The following DTNB variants were observed in gnomAD, a reference collection of about 807,000 sequenced individuals.
DTNB encodes the protein DTN-B.
A neutral mutation model predicts 90.7 loss-of-function variants in DTNB; 63 were observed. The observed-to-expected ratio is 0.69, with a 90% confidence interval of 0.57 to 0.86. The LOEUF (loss-of-function observed/expected upper bound fraction) is 0.86, where lower values mean the gene tolerates loss of function less well. Among genes scored for constraint, DTNB ranks in the 40% least tolerant of loss-of-function variants. The pLI is 0.00. For missense variants in DTNB, 744 were observed against 807.1 expected, an observed-to-expected ratio of 0.92 and a Z score of 0.95; for synonymous variants, 277 against 286.7, an observed-to-expected ratio of 0.97 and a Z score of 0.34.
At chr2:25,632,658 A>T (rs906088669) in intron 3 of DTNB, among the ~76,000 whole-genome samples, 5 of 152,342 alleles carry the variant, frequency 3.3e-5, no homozygotes, top group South Asian at 2.1e-4. Context: ...CATGGCCTCC[A>T]GACTCTGCAG....
chr2:25,458,470 G>T (rs1472588101), intron 10 of DTNB, among the ~76,000 whole-genome samples: 1 of 151,534 alleles, frequency 6.6e-6, no homozygotes, highest in East Asian at 1.9e-4. Context: ...TTCCTGGTAC[G>T]TAACATGTCT....
chr2:25,621,908 T>C (rs2072795138), intron 4 of DTNB, among the ~76,000 whole-genome samples: 2 of 152,168 alleles, frequency 1.3e-5, no homozygotes, highest in East Asian at 1.9e-4. Flanking sequence ...CTGAGTGTTA[T>C]TGTAGATGGT....
In DTNB at chr2:25,516,117, T is replaced by C. The variant is rs112969001; in HGVS notation, c.1001+15356A>G. ...AGGGAAATACGAATTAAAACTACAG[T>C]AAGATCCTACCACTCACTAACTAGG... On this transcript the variant is annotated intron_variant, in intron 9 of 20. Coordinates refer to ENST00000406818, the MANE Select transcript of DTNB (RefSeq NM_021907.5). Among the ~76,000 whole-genome samples, 519 of 152,288 alleles carry C rather than the reference T, an allele frequency of 3.4e-3. 2 individuals are homozygous for C. Among genetic ancestry groups the C allele is most frequent in the African/African-American group, 0.012 (492 of 41,548 alleles).
intron 16 of DTNB, among the ~76,000 whole-genome samples, chr2:25,410,982 T>A (rs1456626657): frequency 6.6e-6 from 1 of 151,526 alleles, no homozygotes; most frequent in Admixed American, 6.6e-5. Flanking sequence ...CTAATCAGAA[T>A]GTATATTCAG....
At chr2:25,403,796 A>C (rs551945442) in intron 16 of DTNB, among the ~76,000 whole-genome samples, 3 of 152,142 alleles carry the variant, frequency 2.0e-5, no homozygotes, top group Non-Finnish European at 2.9e-5. Context: ...GGATAAACCT[A>C]GTTTGTTTGT....
chr2:25,457,617 A>T lies in DTNB; in HGVS notation c.1080-2123T>A, dbSNP rs2060247096. Among the ~76,000 whole-genome samples the T allele has an allele frequency of 2.6e-5, 4 of 152,058 alleles. No homozygotes were observed. In the South Asian group the frequency reaches 8.3e-4, roughly 32 times the overall value. On this transcript the variant is annotated intron_variant, in intron 10 of 20. Transcript: ENST00000406818. ...GAATACTCACTGGCAGCGCTTGCAGATACAGCATTTACCCTGAGATAACTT... is the reference window on the plus strand; with the variant it reads ...GAATACTCACTGGCAGCGCTTGCAGTTACAGCATTTACCCTGAGATAACTT...
At chr2:25,574,995 T>C (rs1169757663) in intron 8 of DTNB, among the ~76,000 whole-genome samples, 1 of 152,122 alleles carries the variant, frequency 6.6e-6, no homozygotes, top group Non-Finnish European at 1.5e-5. Flanking sequence ...GATGAAAACA[T>C]GCAAATCATA....
chr2:25,439,347 A>G (rs1349997084), intron 12 of DTNB, among the ~76,000 whole-genome samples: 1 of 151,962 alleles, frequency 6.6e-6, no homozygotes, highest in Non-Finnish European at 1.5e-5. Context: ...AAAAAATACA[A>G]AAAAAATTAA....
chr2:25,609,389 G>A (rs1263758914), intron 4 of DTNB, among the ~76,000 whole-genome samples: 3 of 151,970 alleles, frequency 2.0e-5, no homozygotes, highest in Admixed American at 6.6e-5. Context: ...ACCTGAGGTC[G>A]GGAGTTCAAG....
At chr2:25,604,436 T>C (rs2066625942) in intron 5 of DTNB, among the ~76,000 whole-genome samples, 1 of 151,818 alleles carries the variant, frequency 6.6e-6, no homozygotes, top group African/African-American at 2.4e-5. Context: ...TGAGACAGTC[T>C]CACTCCACTA....
chr2:25,517,851 T>A (rs982479595), intron 9 of DTNB, among the ~76,000 whole-genome samples: 5 of 152,184 alleles, frequency 3.3e-5, no homozygotes, highest in Admixed American at 2.0e-4. Context: ...GGTATCTACA[T>A]ACAATGAATA....
At chr2:25,459,321 G>A (rs941264770) in intron 10 of DTNB, among the ~76,000 whole-genome samples, 15 of 151,452 alleles carry the variant, frequency 9.9e-5, no homozygotes, top group Non-Finnish European at 1.8e-4. Flanking sequence ...TTTTCCTCTC[G>A]GTGCTCCACT....
chr2:25,658,492 G>A (rs1055323368), intron 1 of DTNB, among the ~76,000 whole-genome samples: 2 of 152,146 alleles, frequency 1.3e-5, no homozygotes, highest in Non-Finnish European at 2.9e-5. Context: ...CTTTATTCTT[G>A]ATTGCCAAAA....
intron 8 of DTNB, among the ~76,000 whole-genome samples, chr2:25,537,031 G>A (rs922363496): frequency 1.1e-4 from 17 of 152,048 alleles, no homozygotes; most frequent in Admixed American, 5.9e-4. Context: ...ATGAGCCACC[G>A]TGCCTGGCCC....
intron 1 of DTNB, among the ~76,000 whole-genome samples, chr2:25,668,178 G>A (rs1044826731): frequency 5.9e-5 from 9 of 152,142 alleles, no homozygotes; most frequent in Non-Finnish European, 8.8e-5. Context: ...GGCAGAGCTC[G>A]CAGTGAGCCG....
At chr2:25,567,269 T>G (rs547298922) in intron 8 of DTNB, among the ~76,000 whole-genome samples, 10 of 152,330 alleles carry the variant, frequency 6.6e-5, no homozygotes, top group East Asian at 1.9e-4. Context: ...CTTTTTCCCA[T>G]GAATACATAT....
At chr2:25,567,994 AC>A (rs2059286930) in intron 8 of DTNB, among the ~76,000 whole-genome samples, 1 of 152,104 alleles carries the variant, frequency 6.6e-6, no homozygotes, top group Non-Finnish European at 1.5e-5. Context: ...CCGCATCTCT[AC>A]TAAAAACACA....
chr2:25,551,341 CTTTTG>C (rs2151106558), intron 8 of DTNB, among the ~76,000 whole-genome samples: 1 of 152,242 alleles, frequency 6.6e-6, no homozygotes, highest in Non-Finnish European at 1.5e-5. Context: ...TATAAATCTG[CTTTTG>C]ATATTTCATA....
At chr2:25,545,766 T>G (rs2082286685) in intron 8 of DTNB, among the ~76,000 whole-genome samples, 1 of 152,054 alleles carries the variant, frequency 6.6e-6, no homozygotes, top group African/African-American at 2.4e-5. Context: ...GGACTACAGG[T>G]GTGTGCCACC....
Sources: gnomAD v4.1 joint callset for allele counts (sites outside exome capture counted in the v4.1 genomes callset) on GRCh38, gnomAD v4.1.1 for gene constraint, MANE v1.5 for transcripts, NCBI Gene and HGNC (gene_info 2026-07-23, HGNC 2026-07-21) for gene names.